The following ANKS1A variants were observed in gnomAD, a reference collection of about 807,000 sequenced individuals.
ANKS1A encodes ankyrin repeat and sterile alpha motif domain containing 1A.
In ANKS1A, 55 loss-of-function variants were observed where a neutral mutation model predicts 120.3. The ratio of observed to expected loss-of-function variants is 0.46; its 90% CI spans 0.37 to 0.57. The LOEUF is 0.57. ANKS1A is among the 20% of genes least tolerant of loss of function. The pLI, the probability that ANKS1A is intolerant of heterozygous loss-of-function variation, is 0.00. For missense variants in ANKS1A, 1,123 were observed against 1,480.3 expected (o/e 0.76, Z 3.96); for synonymous variants, 590 against 604.7 (o/e 0.98, Z 0.36).
At chr6:35,096,913 A>AAC in the ANKS1A span, among the ~76,000 whole-genome samples, 250 of 151,652 alleles carry the variant, frequency 1.6e-3, no homozygotes, top group Middle Eastern at 6.8e-3. Context: ...AGAAAAAAAA[A>AAC]ACACACACAA....
chr6:34,951,275 AATTAT>A (rs1770081319), intron 1 of ANKS1A, among the ~76,000 whole-genome samples: 1 of 151,808 alleles, frequency 6.6e-6, no homozygotes, highest in South Asian at 2.1e-4. Flanking sequence ...CATTACTTTA[AATTAT>A]ATTATAAATT....
rs1778169980 is a variant in ANKS1A, at chr6:35,089,278, G to C, written c.*669G>C. On this transcript the variant is annotated 3_prime_UTR_variant, in exon 24 of 24. Transcript: ENST00000360359. The stretch of plus-strand genomic sequence containing the variant: ...CTCAAAGGTTTCCGGTCCATTTCTG[G>C]GGTTCCCGATGGGAAGGTTCAGTGG... The C allele has an allele frequency of 1.0e-6, 1 of 987,278 alleles. No homozygotes were observed. 61.2% of individuals were successfully genotyped at this position (987,278 alleles called of 1,614,324 possible).
At chr6:34,984,950 G>T in intron 7 of ANKS1A, 132 bp from the exon 8 acceptor site, 1 of 736,152 alleles carries the variant, frequency 1.4e-6, no homozygotes, top group Non-Finnish European at 2.2e-6. Flanking sequence ...ATGGAACAAA[G>T]TAATCATTTT....
At chr6:35,023,457 G>T in intron 11 of ANKS1A, 1 of 231,968 alleles carries the variant, frequency 4.3e-6, no homozygotes. Flanking sequence ...GATATTCAGG[G>T]TGCTGGGAAG....
intron 10 of ANKS1A, among the ~76,000 whole-genome samples, chr6:35,003,438 A>G (rs1262950200): frequency 2.0e-5 from 3 of 152,120 alleles, no homozygotes; most frequent in Non-Finnish European, 4.4e-5. Flanking sequence ...TAACCTTACT[A>G]ATTACTGTCT....
At position 34,912,579 on chromosome 6, in the gene ANKS1A, A is replaced by G. The variant is rs75327384; in HGVS notation, c.197+22980A>G. Among the ~76,000 whole-genome samples, 1,115 of 152,306 alleles carry G rather than the reference A, an allele frequency of 7.3e-3. 20 individuals carry two copies. Among genetic ancestry groups the G allele is most frequent in the African/African-American group, 0.025 (1,060 of 41,570 alleles). ...TGAGAAGGAATGAACAACAGATTTT[A>G]TTTTAGAGTACTGTATAGATTGAAA... On this transcript the variant is annotated intron_variant, in intron 1 of 23. Transcript: ENST00000360359.
rs1777954689 is a variant in ANKS1A, at chr6:35,085,979, C to T, written c.3303+43C>T. 1.3e-6 allele frequency: 2 copies of T among 1,549,818 alleles called. No homozygotes were observed. The highest frequency in any genetic ancestry group is 1.4e-5 in the African/African-American group (1 of 73,406). On this transcript the variant is annotated intron_variant, in intron 22 of 23. Coordinates refer to ENST00000360359, the MANE Select transcript of ANKS1A (RefSeq NM_015245.3). This position sits in a 1 kb window ranked among gnomAD's most constrained non-coding sequence, Gnocchi z 4.7. ...GCCAAGATCCCCCTCTCCCTGGCCC[C>T]AGGGATTCAAGGGCTCAGGGTGGTC...
intron 3 of ANKS1A, among the ~76,000 whole-genome samples, chr6:34,972,869 G>T (rs1264487927): frequency 6.6e-6 from 1 of 152,104 alleles, no homozygotes; most frequent in Non-Finnish European, 1.5e-5. Context: ...ATGGTGGGTG[G>T]TTTTTTCTGG....
chr6:35,026,559 G>A (rs1774635466), intron 11 of ANKS1A, among the ~76,000 whole-genome samples: 1 of 152,162 alleles, frequency 6.6e-6, no homozygotes. Flanking sequence ...CCAAGAACAG[G>A]ATTAGAGGGT....
intron 1 of ANKS1A, among the ~76,000 whole-genome samples, chr6:34,899,507 C>CA (rs947369230): frequency 1.6e-4 from 24 of 151,478 alleles, no homozygotes; most frequent in South Asian, 4.2e-4. Context: ...AATTAAAAAA[C>CA]AAAAAAAATA....
At chr6:34,996,377 C>T (rs891909282) in intron 10 of ANKS1A, among the ~76,000 whole-genome samples, 6 of 151,834 alleles carry the variant, frequency 4.0e-5, no homozygotes, top group African/African-American at 9.7e-5. Context: ...TGTGACTTGT[C>T]TTTTTGTTGC....
intron 1 of ANKS1A, among the ~76,000 whole-genome samples, chr6:34,926,966 A>T (rs1768747926): frequency 6.6e-6 from 1 of 152,166 alleles, no homozygotes; most frequent in Non-Finnish European, 1.5e-5. Flanking sequence ...ACCAGGTTGA[A>T]TTCTGGCTCC....
chr6:34,946,508 A>G (rs761092739), intron 1 of ANKS1A, among the ~76,000 whole-genome samples: 8 of 151,746 alleles, frequency 5.3e-5, no homozygotes, highest in Non-Finnish European at 1.2e-4. Context: ...GAATTGCTTG[A>G]ACCCAGGAGG....
Position 34,989,234 on chromosome 6 carries a change from C to G in ANKS1A, c.1220C>G (p.Pro407Arg). Reference protein sequence around the residue: ...KPAGVRPRERPPPPAKPPPDE... With the variant: ...KPAGVRPRERRPPPAKPPPDE... ...TTTTCTCTTCTGCAGAGGGAACGTCCACCACCTCCAGCAAAGCCACCGCCC... is the reference window on the plus strand; with the variant it reads ...TTTTCTCTTCTGCAGAGGGAACGTCGACCACCTCCAGCAAAGCCACCGCCC... The change falls in exon 9 of 24, where the codon CCA (proline) becomes CGA (arginine). Residue 407 changes from proline to arginine, a missense_variant. Pro to Arg is a moderately radical substitution (Grantham distance 103). Around this residue, in one of 3 missense-constraint regions of ANKS1A, gnomAD observed 904 missense variants for 1,130.4 expected, o/e 0.80. Coordinates refer to ENST00000360359, the MANE Select transcript of ANKS1A (RefSeq NM_015245.3). 6.2e-7 allele frequency: 1 copy of G among 1,613,770 alleles called. No individual in the cohort carries two copies. Among genetic ancestry groups the G allele is most frequent in the South Asian group, 1.1e-5 (1 of 91,024 alleles).
chr6:34,962,279 T>C (rs1461746137), intron 1 of ANKS1A, among the ~76,000 whole-genome samples: 2 of 152,230 alleles, frequency 1.3e-5, no homozygotes, highest in Admixed American at 1.3e-4. Context: ...CCTCACCTTG[T>C]CTTCACCATC....
Position 34,983,310 on chromosome 6 carries a change from A to G in ANKS1A, c.911-14A>G. 6.2e-7 allele frequency: 1 copy of G among 1,613,250 alleles called. No homozygotes were observed. The highest frequency in any genetic ancestry group is 8.5e-7 in the Non-Finnish European group (1 of 1,179,532). On this transcript the variant is annotated splice_polypyrimidine_tract_variant and intron_variant, in intron 6 of 23. Coordinates refer to ENST00000360359, the MANE Select transcript of ANKS1A (RefSeq NM_015245.3). ...CAGCACTTTTTATTTTTATTTTTTG[A>G]TCTTTCCATGTAGATCACATGACTG...
rs1471287807 is a variant in ANKS1A at position 35,060,566 on chromosome 6, G to A, written c.2184+313G>A. Among the ~76,000 whole-genome samples, 2 of 152,174 alleles carry A rather than the reference G, an allele frequency of 1.3e-5. No homozygotes were observed. The highest frequency in any genetic ancestry group is 2.9e-5 in the Non-Finnish European group (2 of 68,034). ...TGTGTATCCCATCAAGGCTGGGTAC[G>A]AGGAGTTTTATTTATTTCTCAAAAC... On this transcript the variant is annotated intron_variant, in intron 13 of 23. Coordinates refer to ENST00000360359, the MANE Select transcript of ANKS1A (RefSeq NM_015245.3). This position sits in a 1 kb window ranked among gnomAD's most constrained non-coding sequence, Gnocchi z 4.5.
At chr6:35,096,243 T>C (rs1778467553), downstream of ANKS1A, among the ~76,000 whole-genome samples, 1 of 152,238 alleles carries the variant, frequency 6.6e-6, no homozygotes, top group African/African-American at 2.4e-5. Flanking sequence ...TTATAGAGGA[T>C]TTGTTTCAGT....
At chr6:34,939,975 A>G (rs1302857647) in intron 1 of ANKS1A, among the ~76,000 whole-genome samples, 2 of 152,234 alleles carry the variant, frequency 1.3e-5, no homozygotes, top group African/African-American at 4.8e-5. Flanking sequence ...GAAGCGCTAT[A>G]GTGTGAGCAC....
Sources: allele counts gnomAD v4.1 joint callset (sites outside exome capture counted in the v4.1 genomes callset), GRCh38; gene constraint gnomAD v4.1.1; regional missense constraint gnomAD v4.1.1; non-coding constraint Gnocchi (gnomAD v3.1); transcripts MANE v1.5; gene names NCBI Gene and HGNC (gene_info 2026-07-23, HGNC 2026-07-21).